KLK2: variants seen among roughly 807,000 people sequenced by gnomAD.
KLK2 encodes kallikrein related peptidase 2, also known as kallikrein-2.
KLK2 carries 17 observed loss-of-function variants against 23.0 expected under a neutral mutation model. That is an observed-to-expected ratio of 0.74 (90% CI 0.51 to 1.11). The LOEUF (loss-of-function observed/expected upper bound fraction) is 1.11. Ranked by LOEUF, KLK2 falls within the 50% of genes least tolerant of loss-of-function variation. KLK2 has a pLI of 0.00. For missense variants in KLK2, 330 were observed against 325.9 expected, an observed-to-expected ratio of 1.01 and a Z score of -0.10; for synonymous variants, 140 against 124.7, an observed-to-expected ratio of 1.12 and a Z score of -0.82.
rs755365520 is a variant in KLK2 at position 50,874,709 on chromosome 19, C to G, written c.47-12C>G. ...TGGGTCTGATCCCCCTGACCCAGCA[C>G]CCCCTCCGCAGGTGCCGTGCCCCTC... is the stretch of plus-strand genomic sequence containing the variant. On this transcript the variant is annotated splice_polypyrimidine_tract_variant and intron_variant, in intron 1 of 4. Coordinates refer to ENST00000325321, the MANE Select transcript of KLK2 (RefSeq NM_005551.5). 2.5e-6 allele frequency: 4 copies of G among 1,603,410 alleles called. No homozygotes were observed. In the South Asian group the frequency reaches 4.5e-5, roughly 18 times the overall value.
intron 2 of KLK2, 57 bp downstream of exon 2, chr19:50,874,937 C>A: frequency 6.4e-7 from 1 of 1,568,664 alleles, no homozygotes. Flanking sequence ...GGAATAACAG[C>A]GGGATGCTTC....
chr19:50,874,955 G>A (rs1375515390), intron 2 of KLK2, 75 bp downstream of exon 2: 3 of 1,528,110 alleles, frequency 2.0e-6, no homozygotes, highest in South Asian at 1.3e-5. Context: ...TTCCCCCAGG[G>A]TCACTTCTCA....
chr19:50,877,228 G>A, intron 4 of KLK2: 2 of 614,668 alleles, frequency 3.3e-6, no homozygotes, highest in South Asian at 4.0e-5. Context: ...CCTGTGTTGA[G>A]CACATGCTTA....
chr19:50,873,922 A>G (rs908423929), intron 1 of KLK2: 2 of 189,492 alleles, frequency 1.1e-5, no homozygotes, highest in Admixed American at 5.7e-5. Context: ...AGCTGTGAGC[A>G]TTCAACCCTG....
rs1204363138 is a variant in KLK2, at chr19:50,879,956, G to GC, written c.*1403dup. ...TGAGGGAAAGGGAGAGGATGAGGAA[G>GC]CCCCCCTGGGGATTTGGTTTGGTCT... On this transcript the variant is annotated 3_prime_UTR_variant, in exon 5 of 5. Coordinates refer to ENST00000325321, the MANE Select transcript of KLK2 (RefSeq NM_005551.5). 4 of 230,320 alleles carry GC rather than the reference G, an allele frequency of 1.7e-5. No individual in the cohort carries two copies. The highest frequency in any genetic ancestry group is 6.6e-5 in the African/African-American group (3 of 45,160). 14.3% of individuals were successfully genotyped at this position (230,320 alleles called of 1,614,324 possible).
At chr19:50,875,747 C>T (rs148866045) in intron 2 of KLK2, 1,700 of 152,862 alleles carry the variant, frequency 0.011, 20 homozygotes, top group African/African-American at 0.039. Flanking sequence ...TGCAGTGAGC[C>T]GAGATCGTGC....
rs775544696 is a variant in KLK2 at position 50,876,991 on chromosome 19, G to T, written c.613G>T (p.Gly205Cys). The stretch of plus-strand genomic sequence containing the variant: ...GTTGTGTGCTGGGCTCTGGACAGGT[G>T]GTAAAGACACTTGTGGGGTGAGTCA... ...FMLCAGLWTG[G>C]KDTCGGDSGG... The change falls in exon 4 of 5, where the codon GGT becomes TGT. Residue 205 changes from glycine (G) to cysteine (C), a missense_variant. Coordinates refer to ENST00000325321, the MANE Select transcript of KLK2 (RefSeq NM_005551.5). 1 of 1,614,146 alleles carries T rather than the reference G, an allele frequency of 6.2e-7. No individual in the cohort carries two copies. The highest frequency in any genetic ancestry group is 1.7e-5 in the Admixed American group (1 of 60,018).
At position 50,878,656 on chromosome 19, in the gene KLK2, A is replaced by G; in HGVS notation, c.*97A>G. 1 of 1,272,818 alleles carries G rather than the reference A, an allele frequency of 7.9e-7. No homozygotes were observed. Among genetic ancestry groups the G allele is most frequent in the Non-Finnish European group, 1.1e-6 (1 of 898,398 alleles). 78.8% of individuals were successfully genotyped at this position (1,272,818 alleles called of 1,614,324 possible). On this transcript the variant is annotated 3_prime_UTR_variant, in exon 5 of 5. Coordinates refer to ENST00000325321, the MANE Select transcript of KLK2 (RefSeq NM_005551.5). ...GGATGCTGGACACCTGAAGCTTGGAACTCACCTGGCCGAAGCTCGAGCCTC... is the reference window on the plus strand; with the variant it reads ...GGATGCTGGACACCTGAAGCTTGGAGCTCACCTGGCCGAAGCTCGAGCCTC...
intron 2 of KLK2, among the ~76,000 whole-genome samples, chr19:50,875,208 G>T (rs1229377778): frequency 6.6e-6 from 1 of 152,016 alleles, no homozygotes; most frequent in African/African-American, 2.4e-5. Context: ...GGGTCTCTCT[G>T]TGGCCATCTC....
At chr19:50,877,898 C>A in intron 4 of KLK2, 2 of 175,828 alleles carry the variant, frequency 1.1e-5, no homozygotes, top group East Asian at 1.4e-4. Flanking sequence ...CCCAGCCTCC[C>A]TCACAGTCTC....
Position 50,876,752 on chromosome 19 carries a change from G to A in KLK2, c.487G>A (p.Glu163Lys). The A allele has an allele frequency of 6.2e-7, 1 of 1,614,036 alleles. No individual in the cohort carries two copies. Among genetic ancestry groups the A allele is most frequent in the Non-Finnish European group, 8.5e-7 (1 of 1,179,980 alleles). Residue 163 changes from glutamate (E) to lysine (K), a missense_variant, in exon 3 of 5, where the codon GAG becomes AAG. Coordinates refer to ENST00000325321, the MANE Select transcript of KLK2 (RefSeq NM_005551.5). ...YASGWGSIEP[E>K]EFLRPRSLQC... ...CTCAGGCTGGGGCAGCATCGAACCA[G>A]AGGAGTGTACGCCTGGGCCAGATGG... is the stretch of plus-strand genomic sequence containing the variant.
Position 50,873,512 on chromosome 19 carries a change from G to A in KLK2, c.39G>A (p.Gly13=). ...TTCTCTCCATCGCCTTGTCTGTGGG[G>A]TGCACTGGTGAGATTGGGGGGATAA... ...DLVLSIALSV[G]CTGAVPLIQS... Residue 13 remains glycine (G), a synonymous_variant, in exon 1 of 5, where the codon GGG becomes GGA. Coordinates refer to ENST00000325321, the MANE Select transcript of KLK2 (RefSeq NM_005551.5). 6.3e-7 allele frequency: 1 copy of A among 1,591,376 alleles called. No individual in the cohort carries two copies. The highest frequency in any genetic ancestry group is 8.6e-7 in the Non-Finnish European group (1 of 1,163,700).
rs749987389 is a variant in KLK2 at position 50,876,506 on chromosome 19, T to C, written c.241T>C (p.Phe81Leu). Residue 81 changes from phenylalanine to leucine, a missense_variant, in exon 3 of 5, where the codon TTT (phenylalanine) becomes CTT (leucine). Transcript: ENST00000325321. ...SQVWLGRHNL[F>L]EPEDTGQRVP... Reference sequence around the variant, plus strand: ...GGTCTGGCTGGGTCGGCACAACCTGTTTGAGCCTGAAGACACAGGCCAGAG... The same window carrying C: ...GGTCTGGCTGGGTCGGCACAACCTGCTTGAGCCTGAAGACACAGGCCAGAG... 3.1e-6 allele frequency: 5 copies of C among 1,614,104 alleles called. No individual in the cohort carries two copies. The highest frequency in any genetic ancestry group is 1.1e-5 in the South Asian group (1 of 91,072).
chr19:50,877,704 G>A (rs1203442971), intron 4 of KLK2: 1 of 156,030 alleles, frequency 6.4e-6, no homozygotes, highest in Non-Finnish European at 1.4e-5. Context: ...TTCCTCTGAG[G>A]AGTCAGGAGC....
chr19:50,874,963 T>G, intron 2 of KLK2, 83 bp downstream of exon 2: 1 of 1,501,968 alleles, frequency 6.7e-7, no homozygotes, highest in Non-Finnish European at 8.9e-7. Context: ...GGGTCACTTC[T>G]CAGGTGAGGC....
At position 50,880,022 on chromosome 19, in the gene KLK2, A is replaced by G. The variant is rs2090328358; in HGVS notation, c.*1463A>G. The G allele has an allele frequency of 4.4e-6, 1 of 229,204 alleles. No homozygotes were observed. The allele number at this position is 229,204 out of a possible 1,614,324, so 14.2% of individuals were successfully genotyped here. On this transcript the variant is annotated 3_prime_UTR_variant, in exon 5 of 5. Coordinates refer to ENST00000325321, the MANE Select transcript of KLK2 (RefSeq NM_005551.5). ...TATGGGGCTATCCCTACAAAGAAGA[A>G]TCCAGAAATAGGGGCACATTGAGGA... is the stretch of plus-strand genomic sequence containing the variant.
rs1300098375 is a variant in KLK2 at position 50,876,881 on chromosome 19, C to A, written c.503C>A (p.Pro168His). ...GSIEPEEFLR[P>H]RSLQCVSLHL... is the part of the protein sequence containing the mutation. ...TTTCTCTGACCCATAGTCTTGCGCCCCAGGAGTCTTCAGTGTGTGAGCCTC... is the reference window on the plus strand; with the variant it reads ...TTTCTCTGACCCATAGTCTTGCGCCACAGGAGTCTTCAGTGTGTGAGCCTC... The change falls in exon 4 of 5, where the codon CCC becomes CAC. Residue 168 changes from proline (P) to histidine (H), a missense_variant. Transcript: ENST00000325321. The A allele has an allele frequency of 6.2e-7, 1 of 1,613,946 alleles. No homozygotes were observed. The highest frequency in any genetic ancestry group is 8.5e-7 in the Non-Finnish European group (1 of 1,179,986).
chr19:50,876,945 T>A lies in KLK2; in HGVS notation c.567T>A (p.Ser189=). Residue 189 remains serine (S), a synonymous_variant, in exon 4 of 5, where the codon TCT becomes TCA. Transcript: ENST00000325321. ...ATGACATGTGTGCTAGAGCTTACTC[T>A]GAGAAGGTGACAGAGTTCATGTTGT... The part of the protein sequence containing the change: ...LSNDMCARAY[S]EKVTEFMLCA... The A allele has an allele frequency of 6.2e-7, 1 of 1,614,182 alleles. No homozygotes were observed. The highest frequency in any genetic ancestry group is 8.5e-7 in the Non-Finnish European group (1 of 1,180,014).
intron 3 of KLK2, 29 bp downstream of exon 3, chr19:50,876,787 G>A (rs767035816): frequency 6.2e-7 from 1 of 1,610,974 alleles, no homozygotes. Flanking sequence ...GTGTAGCTGG[G>A]AGCCCAGATG....
Sources: allele counts gnomAD v4.1 joint callset (sites outside exome capture counted in the v4.1 genomes callset), GRCh38; gene constraint gnomAD v4.1.1; transcripts MANE v1.5; gene names NCBI Gene and HGNC (gene_info 2026-07-23, HGNC 2026-07-21).